The following FMN1 variants were observed in gnomAD, a reference collection of about 807,000 sequenced individuals.
The protein encoded by FMN1 is formin 1, also known as formin-1.
FMN1 carries 110 observed loss-of-function variants against 132.4 expected under a neutral mutation model. The ratio of observed to expected loss-of-function variants is 0.83; its 90% CI spans 0.71 to 0.97. The LOEUF is 0.97. FMN1 is among the 50% of genes least tolerant of loss of function. FMN1 has a pLI of 0.00. For synonymous variants in FMN1, 722 were observed against 651.7 expected (o/e 1.11, Z -1.64); for missense variants, 1,792 against 1,705.3 (o/e 1.05, Z -0.90).
intron 6 of FMN1, among the ~76,000 whole-genome samples, chr15:33,045,523 C>A (rs1159373792): frequency 2.6e-5 from 4 of 152,214 alleles, no homozygotes; most frequent in African/African-American, 9.6e-5. Context: ...CAGTAAGTTG[C>A]CTCTTGGATT....
intron 10 of FMN1, among the ~76,000 whole-genome samples, chr15:32,919,675 C>T (rs1411734794): frequency 6.6e-6 from 1 of 152,044 alleles, no homozygotes; most frequent in Non-Finnish European, 1.5e-5. Flanking sequence ...TGTTGGGGTG[C>T]ACGATAAAAA....
intron 20 of FMN1, among the ~76,000 whole-genome samples, chr15:32,774,731 C>A (rs531249235): frequency 6.6e-6 from 1 of 152,160 alleles, no homozygotes; most frequent in South Asian, 2.1e-4. Context: ...TTAGAGAATG[C>A]CCAAGAAGAT....
chr15:32,902,514 T>C lies in FMN1; in HGVS notation c.3378-474A>G, dbSNP rs142395427. On this transcript the variant is annotated intron_variant, in intron 12 of 20. Coordinates refer to ENST00000616417, the MANE Select transcript of FMN1 (RefSeq NM_001277313.2). The stretch of plus-strand genomic sequence containing the variant: ...AAAAAAAAATCTCTTACTAAAGTGA[T>C]ATTGCTACTATTTTTGCTCAGTGAG... 5.0e-3 allele frequency among the ~76,000 whole-genome samples: 766 copies of C among 152,342 alleles called. 8 individuals are homozygous for C. The Middle Eastern group carries it at 0.061, about 12-fold the overall frequency.
intron 19 of FMN1, among the ~76,000 whole-genome samples, chr15:32,778,572 A>G (rs1452466884): frequency 6.6e-6 from 1 of 152,084 alleles, no homozygotes; most frequent in South Asian, 2.1e-4. Context: ...ATCATTAGTC[A>G]TCAGAAAATG....
At chr15:33,128,216 C>T (rs1963301714) in intron 4 of FMN1, among the ~76,000 whole-genome samples, 1 of 152,094 alleles carries the variant, frequency 6.6e-6, no homozygotes, top group African/African-American at 2.4e-5. Context: ...AAAAAGCAGA[C>T]TTACGAGCAA....
chr15:32,870,499 G>A (rs59335660), intron 16 of FMN1, among the ~76,000 whole-genome samples: 1,883 of 152,288 alleles, frequency 0.012, 39 homozygotes, highest in African/African-American at 0.043. Context: ...GGCCAAGTGA[G>A]GACATGCTAG....
intron 10 of FMN1, among the ~76,000 whole-genome samples, chr15:32,922,994 T>G (rs767073459): frequency 2.0e-5 from 3 of 152,188 alleles, no homozygotes; most frequent in African/African-American, 7.2e-5. Context: ...TTTTTTTTGT[T>G]GTTGTTGTAA....
At chr15:32,947,398 T>C (rs2061533130) in intron 9 of FMN1, among the ~76,000 whole-genome samples, 1 of 152,106 alleles carries the variant, frequency 6.6e-6, no homozygotes, top group African/African-American at 2.4e-5. Context: ...CCTGTGACAA[T>C]TACTGCCATA....
At chr15:32,945,631 T>G (rs983253276) in intron 9 of FMN1, among the ~76,000 whole-genome samples, 3 of 152,180 alleles carry the variant, frequency 2.0e-5, no homozygotes, top group Admixed American at 6.5e-5. Context: ...AGAAAAGTTA[T>G]TATCTTCAAT....
At chr15:32,835,719 C>CA (rs2058607178) in intron 17 of FMN1, among the ~76,000 whole-genome samples, 1 of 152,048 alleles carries the variant, frequency 6.6e-6, no homozygotes, top group Non-Finnish European at 1.5e-5. Context: ...GGGACACAGA[C>CA]AAGGAAGATT....
intron 5 of FMN1, among the ~76,000 whole-genome samples, chr15:33,087,806 C>T (rs2444952): frequency 2.7e-5 from 4 of 150,936 alleles, no homozygotes; most frequent in Non-Finnish European, 5.9e-5. Flanking sequence ...TACATATATA[C>T]ATATACACAT....
intron 9 of FMN1, among the ~76,000 whole-genome samples, chr15:32,931,796 G>A (rs1042245793): frequency 7.2e-5 from 11 of 152,062 alleles, no homozygotes; most frequent in African/African-American, 2.7e-4. Context: ...AATGCTTTTG[G>A]TTTTTCAACC....
chr15:33,088,408 G>C (rs2038783530), intron 5 of FMN1, among the ~76,000 whole-genome samples: 1 of 152,168 alleles, frequency 6.6e-6, no homozygotes, highest in African/African-American at 2.4e-5. Context: ...AGGGTATTCG[G>C]ATTTCACTTG....
At chr15:32,835,590 T>C (rs1297329319) in intron 17 of FMN1, among the ~76,000 whole-genome samples, 2 of 152,140 alleles carry the variant, frequency 1.3e-5, no homozygotes, top group Non-Finnish European at 2.9e-5. Flanking sequence ...GATGTGATGG[T>C]TTGGAAGGGT....
intron 4 of FMN1, among the ~76,000 whole-genome samples, chr15:33,111,930 T>C (rs1048715741): frequency 2.0e-5 from 3 of 152,176 alleles, no homozygotes; most frequent in Non-Finnish European, 2.9e-5. Flanking sequence ...ATGAGTGAAT[T>C]ATATGGCATG....
At position 33,088,634 on chromosome 15, in the gene FMN1, G is replaced by T. The variant is rs569952500; in HGVS notation, c.2043+165C>A. Among the ~76,000 whole-genome samples, 167 of 152,124 alleles carry T rather than the reference G, an allele frequency of 1.1e-3. 3 individuals are homozygous for T. Among genetic ancestry groups the T allele is most frequent in the Non-Finnish European group, 2.4e-4 (16 of 68,026 alleles). On this transcript the variant is annotated intron_variant, in intron 5 of 20. Coordinates refer to ENST00000616417, the MANE Select transcript of FMN1 (RefSeq NM_001277313.2). ...GTTACTTTCTAGTGTACAAATTTCA[G>T]ATCACCAAGATGCATCTTCATTTTC... is the stretch of plus-strand genomic sequence containing the variant.
At chr15:32,957,884 A>G (rs2029998788) in intron 9 of FMN1, among the ~76,000 whole-genome samples, 1 of 152,196 alleles carries the variant, frequency 6.6e-6, no homozygotes, top group African/African-American at 2.4e-5. Context: ...TGGTGGTTCC[A>G]TTGACAGCTG....
intron 19 of FMN1, among the ~76,000 whole-genome samples, chr15:32,789,872 A>G (rs1436433507): frequency 1.3e-5 from 2 of 152,246 alleles, no homozygotes; most frequent in African/African-American, 4.8e-5. Flanking sequence ...TATTCAGTAC[A>G]GTAACCTGCC....
At chr15:33,007,074 T>A (rs903876894) in intron 7 of FMN1, among the ~76,000 whole-genome samples, 1 of 152,208 alleles carries the variant, frequency 6.6e-6, no homozygotes, top group Non-Finnish European at 1.5e-5. Flanking sequence ...CGCATATAAA[T>A]GATAAATATG....
Sources: allele counts gnomAD v4.1 joint callset (sites outside exome capture counted in the v4.1 genomes callset), GRCh38; gene constraint gnomAD v4.1.1; transcripts MANE v1.5; gene names NCBI Gene and HGNC (gene_info 2026-07-23, HGNC 2026-07-21).